Variants in CSMD1 observed in about 807,000 individuals in gnomAD.
CSMD1 encodes CUB and Sushi multiple domains 1, also known as CUB and sushi domain-containing protein 1.
Under a neutral mutation model 417.5 loss-of-function variants are expected in CSMD1, and 213 were observed. The ratio of observed to expected loss-of-function variants is 0.51; its 90% CI spans 0.46 to 0.57. CSMD1 has a LOEUF of 0.57. Among genes scored for constraint, CSMD1 ranks in the 20% least tolerant of loss-of-function variants. The probability of loss-of-function intolerance (pLI) is 0.00; values close to 1 mark genes in which losing one functional copy is unlikely to be tolerated. For synonymous variants in CSMD1, 2,862 were observed against 1,736.8 expected (o/e 1.65, Z -16.11); for missense variants, 6,923 against 4,529.7 (o/e 1.53, Z -15.17).
At chr8:4,953,354 T>A (rs1282155482) in intron 1 of CSMD1, among the ~76,000 whole-genome samples, 3 of 152,122 alleles carry the variant, frequency 2.0e-5, no homozygotes, top group Admixed American at 2.0e-4. Flanking sequence ...AGATACTAAA[T>A]CCTGAATCAC....
At chr8:3,414,921 C>T (rs1164472509) in intron 12 of CSMD1, among the ~76,000 whole-genome samples, 1 of 152,156 alleles carries the variant, frequency 6.6e-6, no homozygotes, top group African/African-American at 2.4e-5. Context: ...GCACCACTCT[C>T]TTTTCTGCGG....
chr8:4,313,627 C>T (rs1300799272), intron 3 of CSMD1, among the ~76,000 whole-genome samples: 1 of 151,884 alleles, frequency 6.6e-6, no homozygotes, highest in African/African-American at 2.4e-5. Context: ...ATGCAGATGC[C>T]ATTTAAACAT....
rs188892875 is a variant in CSMD1, at chr8:4,449,458, T to C, written c.303-29393A>G. Among the ~76,000 whole-genome samples, 183 of 152,292 alleles carry C rather than the reference T, an allele frequency of 1.2e-3. 1 individual carries two copies. Among genetic ancestry groups the C allele is most frequent in the African/African-American group, 4.3e-3 (180 of 41,558 alleles). Reference sequence around the variant, plus strand: ...TTTTTCCCCAATTTTTGTTGATAATTCAGTTATTAAAACCATCATCCTTCA... The same window carrying C: ...TTTTTCCCCAATTTTTGTTGATAATCCAGTTATTAAAACCATCATCCTTCA... On this transcript the variant is annotated intron_variant, in intron 2 of 69. Coordinates refer to ENST00000635120, the MANE Select transcript of CSMD1 (RefSeq NM_033225.6).
intron 5 of CSMD1, among the ~76,000 whole-genome samples, chr8:3,765,205 G>A (rs746976597): frequency 6.6e-6 from 1 of 152,094 alleles, no homozygotes; most frequent in Non-Finnish European, 1.5e-5. Context: ...TGCCCATGTG[G>A]TGGCGATCAC....
intron 5 of CSMD1, among the ~76,000 whole-genome samples, chr8:3,814,957 G>A (rs763752913): frequency 2.0e-5 from 3 of 152,110 alleles, no homozygotes; most frequent in African/African-American, 7.2e-5. Context: ...CCAAAAAAAT[G>A]ATCTTTGAAA....
At chr8:3,900,056 C>G (rs1347014962) in intron 5 of CSMD1, among the ~76,000 whole-genome samples, 1 of 151,878 alleles carries the variant, frequency 6.6e-6, no homozygotes, top group Non-Finnish European at 1.5e-5. Flanking sequence ...GATGCTGTAG[C>G]TGGGTAACAC....
intron 26 of CSMD1, among the ~76,000 whole-genome samples, chr8:3,239,780 G>A (rs1799380193): frequency 6.6e-6 from 1 of 152,168 alleles, no homozygotes; most frequent in African/African-American, 2.4e-5. Context: ...TGATGAGGGC[G>A]AGGAACAGGA....
At chr8:4,730,684 T>G (rs1482358185) in intron 1 of CSMD1, among the ~76,000 whole-genome samples, 2 of 151,172 alleles carry the variant, frequency 1.3e-5, no homozygotes, top group Non-Finnish European at 2.9e-5. Context: ...GAGCTTGCAG[T>G]GAGGAGAGAT....
chr8:4,093,324 A>G (rs1467972188), intron 3 of CSMD1, among the ~76,000 whole-genome samples: 1 of 152,234 alleles, frequency 6.6e-6, no homozygotes, highest in African/African-American at 2.4e-5. Flanking sequence ...TTTAATTTCC[A>G]TGAAGTAAAT....
intron 10 of CSMD1, among the ~76,000 whole-genome samples, chr8:3,517,640 G>A (rs1431903576): frequency 6.6e-6 from 1 of 152,140 alleles, no homozygotes; most frequent in Admixed American, 6.5e-5. Flanking sequence ...GGGGAAAAAG[G>A]CTTTCTGAAA....
intron 1 of CSMD1, among the ~76,000 whole-genome samples, chr8:4,870,206 C>T (rs995130458): frequency 1.3e-5 from 2 of 152,050 alleles, no homozygotes; most frequent in African/African-American, 4.8e-5. Flanking sequence ...ACTGTTAATT[C>T]CCTGGTCCTT....
chr8:3,418,578 C>A (rs78605414), intron 12 of CSMD1, among the ~76,000 whole-genome samples: 2,566 of 152,256 alleles, frequency 0.017, 52 homozygotes, highest in East Asian at 0.096. Flanking sequence ...TGATTTTGAG[C>A]TGAAGATTCA....
chr8:3,718,619 C>G (rs753921794), intron 6 of CSMD1, among the ~76,000 whole-genome samples: 1 of 152,154 alleles, frequency 6.6e-6, no homozygotes, highest in Non-Finnish European at 1.5e-5. Context: ...TATAGTATTA[C>G]ATGAATCATT....
At chr8:3,753,185 T>G (rs1797449669) in intron 6 of CSMD1, among the ~76,000 whole-genome samples, 1 of 152,176 alleles carries the variant, frequency 6.6e-6, no homozygotes, top group East Asian at 1.9e-4. Context: ...GGGGAAAGCT[T>G]AGGCACTTTG....
chr8:3,773,737 A>T (rs1033444307), intron 5 of CSMD1, among the ~76,000 whole-genome samples: 2 of 152,216 alleles, frequency 1.3e-5, no homozygotes, highest in African/African-American at 4.8e-5. Context: ...GAGGGCAAGC[A>T]TGATGGGCGG....
chr8:4,818,437 G>C (rs765015641), intron 1 of CSMD1, among the ~76,000 whole-genome samples: 15 of 152,070 alleles, frequency 9.9e-5, no homozygotes, highest in Admixed American at 2.0e-4. Flanking sequence ...CTGATTACAA[G>C]AGAGCTCAGT....
intron 3 of CSMD1, among the ~76,000 whole-genome samples, chr8:4,212,124 GAGA>G (rs1179916902): frequency 4.6e-5 from 7 of 151,318 alleles, no homozygotes; most frequent in East Asian, 1.9e-4. Context: ...GACCATGTAG[GAGA>G]AGAAGTGTCC....
rs71854171 is a variant in CSMD1 at position 4,128,328 on chromosome 8, TGAG to T, written c.416-96232_416-96230del. On this transcript the variant is annotated intron_variant, in intron 3 of 69. Coordinates refer to ENST00000635120, the MANE Select transcript of CSMD1 (RefSeq NM_033225.6). Reference sequence around the variant, plus strand: ...ACTACAAATTAGGGTCAGTTTTTAATGAGGAGACAAGAACGTGAACCAAGTAAA... The same window carrying T: ...ACTACAAATTAGGGTCAGTTTTTAATGAGACAAGAACGTGAACCAAGTAAA... Among the ~76,000 whole-genome samples, 167 of 152,272 alleles carry T rather than the reference TGAG, an allele frequency of 1.1e-3. 3 individuals are homozygous for T. The East Asian group carries it at 0.03, about 27-fold the overall frequency.
Position 4,790,878 on chromosome 8 carries a change from C to A in CSMD1, c.86-153320G>T, listed in dbSNP as rs151158750. On this transcript the variant is annotated intron_variant, in intron 1 of 69. Coordinates refer to ENST00000635120, the MANE Select transcript of CSMD1 (RefSeq NM_033225.6). ...AACGGAAAACCTAAACTATAAAAACCCTAGAAGGAAACATAGGAAATACCA... is the reference window on the plus strand; with the variant it reads ...AACGGAAAACCTAAACTATAAAAACACTAGAAGGAAACATAGGAAATACCA... 5.9e-3 allele frequency among the ~76,000 whole-genome samples: 895 copies of A among 152,164 alleles called. 8 individuals are homozygous for A. The highest frequency in any genetic ancestry group is 0.024 in the Middle Eastern group (7 of 294).
Sources: allele counts gnomAD v4.1 joint callset (sites outside exome capture counted in the v4.1 genomes callset), GRCh38; gene constraint gnomAD v4.1.1; transcripts MANE v1.5; gene names NCBI Gene and HGNC (gene_info 2026-07-23, HGNC 2026-07-21).